Variants in RPS6KA2 observed in about 807,000 individuals in gnomAD.
The protein encoded by RPS6KA2 is ribosomal protein S6 kinase A2, also known as ribosomal protein S6 kinase alpha-2.
In RPS6KA2, 42 loss-of-function variants were observed where a neutral mutation model predicts 91.8. The ratio of observed to expected loss-of-function variants is 0.46; its 90% CI spans 0.36 to 0.59. RPS6KA2 has a LOEUF of 0.59. RPS6KA2 is among the 20% of genes least tolerant of loss of function. The pLI is 0.00. For synonymous variants in RPS6KA2, 414 were observed against 393.6 expected, an observed-to-expected ratio of 1.05 and a Z score of -0.61; for missense variants, 798 against 978.5, an observed-to-expected ratio of 0.82 and a Z score of 2.46.
chr6:166,639,253 C>G lies in RPS6KA2; in HGVS notation c.124-100469G>C, dbSNP rs189770154. On this transcript the variant is annotated intron_variant, in intron 2 of 21. Coordinates refer to the RPS6KA2 transcript ENST00000503859. The surrounding 1 kb of genome is among the most constrained non-coding windows in gnomAD (Gnocchi z 4.2). ...TAACCATGTGCCCCGCTGCCCAAACCAGAAGGTAAGACTTACCGTGACCTC... is the reference window on the plus strand; with the variant it reads ...TAACCATGTGCCCCGCTGCCCAAACGAGAAGGTAAGACTTACCGTGACCTC... Among the ~76,000 whole-genome samples the G allele has an allele frequency of 6.6e-6, 1 of 152,302 alleles. No homozygotes were observed. Among genetic ancestry groups the G allele is most frequent in the East Asian group, 1.9e-4 (1 of 5,186 alleles).
chr6:166,767,458 C>T lies in RPS6KA2; in HGVS notation c.123+90742G>A, dbSNP rs137910236. Among the ~76,000 whole-genome samples the T allele has an allele frequency of 2.6e-4, 40 of 152,242 alleles. No homozygotes were observed. The highest frequency in any genetic ancestry group is 5.3e-4 in the African/African-American group (22 of 41,550). ...GACAAAAAGGACAGAGAAGCCAGCT[C>T]GCGCTCCCTTCAGGATCCTACTTGG... is the stretch of plus-strand genomic sequence containing the variant. On this transcript the variant is annotated intron_variant, in intron 2 of 21. Transcript: ENST00000503859. This position sits in a 1 kb window ranked among gnomAD's most constrained non-coding sequence, Gnocchi z 4.6.
intron 2 of RPS6KA2, among the ~76,000 whole-genome samples, chr6:166,826,075 T>A (rs1780042320): frequency 6.6e-6 from 1 of 152,206 alleles, no homozygotes; most frequent in Non-Finnish European, 1.5e-5. Context: ...TTTTGGCAAA[T>A]TTCCTAGGTT....
intron 2 of RPS6KA2, among the ~76,000 whole-genome samples, chr6:166,686,201 C>T (rs1789008120): frequency 6.6e-6 from 1 of 152,054 alleles, no homozygotes; most frequent in Non-Finnish European, 1.5e-5. Context: ...CCTGCTGAGT[C>T]CTGCCGCCAG....
chr6:166,685,610 C>T (rs1056698766), intron 2 of RPS6KA2, among the ~76,000 whole-genome samples: 3 of 152,162 alleles, frequency 2.0e-5, no homozygotes, highest in Non-Finnish European at 2.9e-5. Flanking sequence ...GATTCAAATC[C>T]ATAGACTCTT....
chr6:166,424,349 G>A (rs1778835254), intron 16 of RPS6KA2, among the ~76,000 whole-genome samples: 2 of 152,140 alleles, frequency 1.3e-5, no homozygotes, highest in Non-Finnish European at 2.9e-5. Context: ...CTCAAGACTG[G>A]GTGACCACAC....
intron 2 of RPS6KA2, among the ~76,000 whole-genome samples, chr6:166,785,911 G>T (rs566280278): frequency 6.6e-6 from 1 of 152,234 alleles, no homozygotes; most frequent in East Asian, 1.9e-4. Flanking sequence ...GGTCAATAAT[G>T]AAATCTAACA....
intron 2 of RPS6KA2, among the ~76,000 whole-genome samples, chr6:166,835,680 T>C (rs1188355819): frequency 4.6e-5 from 7 of 152,246 alleles, no homozygotes; most frequent in Non-Finnish European, 8.8e-5. Flanking sequence ...AATAGTAATG[T>C]TGTATGAAAA....
rs1266644850 is a variant in RPS6KA2 at position 166,803,830 on chromosome 6, A to AT, written c.123+54369dup. 1.1e-4 allele frequency among the ~76,000 whole-genome samples: 16 copies of AT among 152,288 alleles called. No homozygotes were observed. In the East Asian group the frequency reaches 1.2e-3, roughly 11 times the overall value. On this transcript the variant is annotated intron_variant, in intron 2 of 21. Coordinates refer to the RPS6KA2 transcript ENST00000503859. ...TATTCCATAGCTATGTTTCTAAGCC[A>AT]TTTTTTTCATTCTAAAATGGAAATC...
chr6:166,523,946 C>T (rs1782940809), intron 3 of RPS6KA2, among the ~76,000 whole-genome samples: 1 of 152,212 alleles, frequency 6.6e-6, no homozygotes, highest in African/African-American at 2.4e-5. Flanking sequence ...TTCCCAGTGC[C>T]TCTGCAGTGA....
intron 2 of RPS6KA2, among the ~76,000 whole-genome samples, chr6:166,720,220 C>T (rs1442823495): frequency 1.3e-5 from 2 of 152,086 alleles, no homozygotes; most frequent in African/African-American, 2.4e-5. Context: ...TTTTGGTGAA[C>T]CCTATACAAC....
intron 2 of RPS6KA2, among the ~76,000 whole-genome samples, chr6:166,802,736 G>C (rs1022082293): frequency 6.6e-6 from 1 of 152,160 alleles, no homozygotes; most frequent in Non-Finnish European, 1.5e-5. Context: ...TTCCTCGGAC[G>C]AAACTACATC....
rs1334581682 is a variant in RPS6KA2, at chr6:166,662,472, A to G, written c.124-123688T>C. Among the ~76,000 whole-genome samples the G allele has an allele frequency of 2.0e-5, 3 of 152,184 alleles. No homozygotes were observed. The highest frequency in any genetic ancestry group is 4.4e-5 in the Non-Finnish European group (3 of 68,036). On this transcript the variant is annotated intron_variant, in intron 2 of 21. Coordinates refer to the RPS6KA2 transcript ENST00000503859. This position sits in a 1 kb window ranked among gnomAD's most constrained non-coding sequence, Gnocchi z 4.3. ...TAAGAACAGCTCTGCTTGCAAATCC[A>G]ATGCCTATGTTACAGGAGTGCAGTT...
intron 1 of RPS6KA2, among the ~76,000 whole-genome samples, chr6:166,582,093 G>A (rs1785036428): frequency 6.8e-6 from 1 of 146,290 alleles, no homozygotes; most frequent in Non-Finnish European, 1.5e-5. Context: ...ACGCCCACTG[G>A]GCAGGTGGGC....
At chr6:166,731,244 A>AAAAAAAG (rs112533883) in intron 2 of RPS6KA2, among the ~76,000 whole-genome samples, 39,604 of 150,860 alleles carry the variant, frequency 0.26, 5,282 homozygotes, top group African/African-American at 0.33. Context: ...CTCCGTCTCA[A>AAAAAAAG]AAAAAAGAAA....
intron 10 of RPS6KA2, among the ~76,000 whole-genome samples, chr6:166,487,380 G>C (rs1781447586): frequency 6.6e-6 from 1 of 152,168 alleles, no homozygotes; most frequent in Non-Finnish European, 1.5e-5. Context: ...GGAGCTCACT[G>C]TGTCACCTGC....
chr6:166,710,485 AGTGT>A (rs66993073), intron 2 of RPS6KA2, among the ~76,000 whole-genome samples: 111,115 of 149,860 alleles, frequency 0.74, 42,795 homozygotes, highest in South Asian at 0.89. Flanking sequence ...GTGTTGTGTG[AGTGT>A]GTGTGTGTGT....
chr6:166,538,823 G>T, intron 1 of RPS6KA2, 39 bp from the exon 2 acceptor site: 1 of 1,089,478 alleles, frequency 9.2e-7, no homozygotes, highest in Non-Finnish European at 1.4e-6. Context: ...ACACCGCGAG[G>T]AGTCCCTCAG....
At chr6:166,504,225 C>A (rs895416859) in intron 6 of RPS6KA2, among the ~76,000 whole-genome samples, 2 of 152,202 alleles carry the variant, frequency 1.3e-5, no homozygotes, top group Non-Finnish European at 2.9e-5. Flanking sequence ...TCCGGCTTCC[C>A]GTGCATCACA....
In RPS6KA2 at chr6:166,448,906, C is replaced by G. The variant is rs1404711835; in HGVS notation, c.1207-57G>C. 3 of 1,594,072 alleles carry G rather than the reference C, an allele frequency of 1.9e-6. No homozygotes were observed. Among genetic ancestry groups the G allele is most frequent in the Non-Finnish European group, 2.6e-6 (3 of 1,166,144 alleles). ...GGAACCCTCACACGAGGGGACGGTG[C>G]AGCTACACGCACACAGAATGTGGGG... is the stretch of plus-strand genomic sequence containing the variant. On this transcript the variant is annotated intron_variant, in intron 13 of 20. Transcript: ENST00000265678. This position sits in a 1 kb window ranked among gnomAD's most constrained non-coding sequence, Gnocchi z 4.7.
Sources: allele counts gnomAD v4.1 joint callset (sites outside exome capture counted in the v4.1 genomes callset), GRCh38; gene constraint gnomAD v4.1.1; non-coding constraint Gnocchi (gnomAD v3.1); transcripts MANE v1.5; gene names NCBI Gene and HGNC (gene_info 2026-07-23, HGNC 2026-07-21).